Variants in MSN observed in about 807,000 individuals in gnomAD.
MSN encodes epididymis luminal protein 70.
MSN carries 2 observed loss-of-function variants against 48.0 expected under a neutral mutation model. That is an observed-to-expected ratio of 0.04 (90% confidence interval 0.02 to 0.13). MSN has a LOEUF of 0.13. MSN is among the 10% of genes least tolerant of loss of function. The probability of loss-of-function intolerance (pLI) is 1.00; values close to 1 mark genes in which losing one functional copy is unlikely to be tolerated. For missense variants in MSN, 267 were observed against 470.1 expected (o/e 0.57, Z 3.99); for synonymous variants, 146 against 166.9 (o/e 0.87, Z 0.97).
Position 65,729,545 on chromosome X carries a change from C to T in MSN, c.300C>T (p.Arg100=). 8.3e-7 allele frequency: 1 copy of T among 1,211,873 alleles called. No individual in the cohort carries two copies. Among genetic ancestry groups the T allele is most frequent in the African/African-American group, 1.7e-5 (1 of 57,802 alleles). The part of the protein sequence containing the change: ...SEELIQDITQ[R]LFFLQVKEGI... ...AATTGATTCAGGACATCACTCAGCG[C>T]CTGTTCTTTCTGCAAGTGAAAGAGG... Residue 100 remains arginine (R), a synonymous_variant, in exon 4 of 13, where the codon CGC becomes CGT. Coordinates refer to ENST00000360270, the MANE Select transcript of MSN (RefSeq NM_002444.3).
chrX:65,682,353 A>G (rs1442826911), intron 1 of MSN, among the ~76,000 whole-genome samples: 1 of 112,210 alleles, frequency 8.9e-6, no homozygotes, highest in Non-Finnish European at 1.9e-5. Context: ...TTCACCACAT[A>G]CTACCCATGG....
intron 1 of MSN, among the ~76,000 whole-genome samples, chrX:65,606,902 A>T (rs2070283326): frequency 8.9e-6 from 1 of 112,603 alleles, no homozygotes; most frequent in Non-Finnish European, 1.9e-5. Context: ...TAGGAGCTTG[A>T]GGTACAAAAC....
intron 1 of MSN, among the ~76,000 whole-genome samples, chrX:65,655,949 T>G (rs1007944096): frequency 9.0e-6 from 1 of 111,045 alleles, no homozygotes; most frequent in Admixed American, 9.6e-5. Flanking sequence ...GTATTTTTAG[T>G]AGAGACAGGG....
chrX:65,693,076 C>T (rs1166974027), intron 1 of MSN, among the ~76,000 whole-genome samples: 2 of 111,997 alleles, frequency 1.8e-5, no homozygotes, highest in Non-Finnish European at 3.8e-5. Context: ...CTCATGGCTT[C>T]TTTATAGTCA....
chrX:65,729,625 C>T lies in MSN; in HGVS notation c.380C>T (p.Ser127Leu). The change falls in exon 4 of 13, where the codon TCG becomes TTG. Residue 127 changes from serine to leucine, a missense_variant. Transcript: ENST00000360270. ...CCTGAGACCGCTGTGCTGCTGGCCT[C>T]GTATGCTGTCCAGTCTAAGTATGGC... The part of the protein sequence containing the change: ...CPPETAVLLA[S>L]YAVQSKYGDF... 8.3e-7 allele frequency: 1 copy of T among 1,211,653 alleles called. No homozygotes were observed. The highest frequency in any genetic ancestry group is 1.1e-6 in the Non-Finnish European group (1 of 895,485).
At chrX:65,620,523 C>T (rs1421231469) in intron 1 of MSN, among the ~76,000 whole-genome samples, 2 of 113,764 alleles carry the variant, frequency 1.8e-5, no homozygotes. Context: ...ACTCCCTGAC[C>T]CCTTGCGCTT....
upstream of MSN, chrX:65,667,607 G>A: frequency 5.3e-6 from 5 of 940,130 alleles, no homozygotes; most frequent in Non-Finnish European, 6.6e-6. Context: ...GGCGGGGAGC[G>A]GCGCGGAAGC....
intron 7 of MSN, among the ~76,000 whole-genome samples, chrX:65,733,618 C>T (rs1296694443): frequency 8.9e-6 from 1 of 112,231 alleles, no homozygotes; most frequent in African/African-American, 3.2e-5. Context: ...CTCATATTTC[C>T]AAGCCCCTGG....
chrX:65,682,147 A>G (rs1602788106), intron 1 of MSN, among the ~76,000 whole-genome samples: 1 of 111,811 alleles, frequency 8.9e-6, no homozygotes, highest in South Asian at 3.7e-4. Flanking sequence ...CTGCAGTGAA[A>G]CTGAGCACCT....
At chrX:65,626,622 A>G (rs2070508629) in intron 1 of MSN, among the ~76,000 whole-genome samples, 1 of 111,051 alleles carries the variant, frequency 9.0e-6, no homozygotes. Context: ...GGAAACAAAA[A>G]CAAACAATAA....
At position 65,716,906 on chromosome X, in the gene MSN, G is replaced by A; in HGVS notation, c.96+5G>A. On this transcript the variant is annotated splice_donor_5th_base_variant and intron_variant, in intron 2 of 12. Transcript: ENST00000360270. ...GGGAAGCAGCTATTTGACCAGGTAA[G>A]GCGGAGACTCCTTAGCCTCCTCTCC... 8.3e-7 allele frequency: 1 copy of A among 1,205,276 alleles called. No individual in the cohort carries two copies. Among genetic ancestry groups the A allele is most frequent in the African/African-American group, 1.7e-5 (1 of 57,302 alleles).
chrX:65,612,937 T>C (rs912554457), intron 1 of MSN, among the ~76,000 whole-genome samples: 2 of 108,115 alleles, frequency 1.8e-5, no homozygotes, highest in African/African-American at 6.8e-5. Context: ...AATGTGCAGG[T>C]TTGTTACGTA....
In MSN at chrX:65,705,905, T is replaced by G. The variant is rs141375905; in HGVS notation, c.13-10913T>G. Among the ~76,000 whole-genome samples the G allele has an allele frequency of 7.4e-3, 821 of 111,655 alleles. 9 individuals carry two copies. The highest frequency in any genetic ancestry group is 0.024 in the African/African-American group (743 of 30,751). ...ATTAAGGTGTGAGTGAGGTTGGGTG[T>G]TGTTCTCCTTTCTAGAAGCTACTGG... On this transcript the variant is annotated intron_variant, in intron 1 of 12. Transcript: ENST00000360270.
chrX:65,617,545 T>A (rs2070386839), intron 1 of MSN, among the ~76,000 whole-genome samples: 1 of 107,259 alleles, frequency 9.3e-6, no homozygotes, highest in African/African-American at 3.7e-5. Flanking sequence ...GTGGGATTGG[T>A]GGTGATATCC....
chrX:65,618,774 C>T (rs1240280591), intron 1 of MSN, among the ~76,000 whole-genome samples: 5 of 110,407 alleles, frequency 4.5e-5, no homozygotes, highest in East Asian at 2.8e-4. Context: ...TGATTTTGCT[C>T]GTTAGTTGAT....
intron 1 of MSN, among the ~76,000 whole-genome samples, chrX:65,634,844 C>A (rs2070586758): frequency 9.0e-6 from 1 of 111,198 alleles, no homozygotes; most frequent in Admixed American, 9.5e-5. Context: ...CTCACTGCTG[C>A]TTGGGCTCAC....
intron 1 of MSN, among the ~76,000 whole-genome samples, chrX:65,675,021 G>T (rs1248618768): frequency 8.9e-6 from 1 of 112,308 alleles, no homozygotes; most frequent in East Asian, 2.8e-4. Context: ...TTAGAACTGT[G>T]CCTAGAATCT....
Position 65,729,580 on chromosome X carries a change from A to G in MSN, c.335A>G (p.Asn112Ser), listed in dbSNP as rs1315877285. ...FFLQVKEGILNDDIYCPPETA... is the reference protein window; with the variant it reads ...FFLQVKEGILSDDIYCPPETA... ...CTGCAAGTGAAAGAGGGCATTCTCA[A>G]TGATGATATTTACTGCCCGCCTGAG... The change falls in exon 4 of 13, where the codon AAT becomes AGT. Residue 112 changes from asparagine (N) to serine (S), a missense_variant. Physicochemically the swap from Asn to Ser is conservative, Grantham distance 46. Transcript: ENST00000360270. 28 of 1,211,869 alleles carry G rather than the reference A, an allele frequency of 2.3e-5. No homozygotes were observed. The highest frequency in any genetic ancestry group is 3.1e-5 in the Non-Finnish European group (28 of 895,596).
At chrX:65,641,564 A>G (rs2070652422) in intron 1 of MSN, among the ~76,000 whole-genome samples, 3 of 39,763 alleles carry the variant, frequency 7.5e-5, no homozygotes, top group African/African-American at 1.9e-4. Context: ...ATATATATAT[A>G]TATATATATA....
Sources: allele counts gnomAD v4.1 joint callset (sites outside exome capture counted in the v4.1 genomes callset), GRCh38; gene constraint gnomAD v4.1.1; transcripts MANE v1.5; gene names NCBI Gene and HGNC (gene_info 2026-07-23, HGNC 2026-07-21).